DPP10: variants seen among roughly 807,000 people sequenced by gnomAD.
The protein encoded by DPP10 is dipeptidyl peptidase like 10.
DPP10 carries 33 observed loss-of-function variants against 120.9 expected under a neutral mutation model. The ratio of observed to expected loss-of-function variants is 0.27; its 90% CI spans 0.21 to 0.37. The LOEUF (loss-of-function observed/expected upper bound fraction) is 0.37, where lower values mean the gene tolerates loss of function less well. Ranked by LOEUF, DPP10 falls within the 10% of genes least tolerant of loss-of-function variation. The pLI is 1.00. For missense variants in DPP10, 816 were observed against 942.8 expected, an observed-to-expected ratio of 0.87 and a Z score of 1.76; for synonymous variants, 337 against 326.1, an observed-to-expected ratio of 1.03 and a Z score of -0.36.
At chr2:114,776,320 G>T (rs1681734103) in intron 1 of DPP10, among the ~76,000 whole-genome samples, 1 of 152,056 alleles carries the variant, frequency 6.6e-6, no homozygotes, top group Non-Finnish European at 1.5e-5. Context: ...TGATGCCATG[G>T]CATTCCATGC....
At chr2:115,627,511 T>G (rs2149304299) in intron 5 of DPP10, among the ~76,000 whole-genome samples, 1 of 152,294 alleles carries the variant, frequency 6.6e-6, no homozygotes, top group South Asian at 2.1e-4. Flanking sequence ...AGTTATTTTT[T>G]TATTTTAAAA....
intron 3 of DPP10, among the ~76,000 whole-genome samples, chr2:115,495,401 T>G (rs2076344684): frequency 6.8e-6 from 1 of 146,686 alleles, no homozygotes; most frequent in Admixed American, 6.9e-5. Context: ...TCGTTCTGAT[T>G]TACAACGTTA....
chr2:114,560,373 G>A (rs1688672111), intron 1 of DPP10, among the ~76,000 whole-genome samples: 1 of 152,140 alleles, frequency 6.6e-6, no homozygotes, highest in Non-Finnish European at 1.5e-5. Flanking sequence ...AAGAGAAGAT[G>A]GTTCCTGAGG....
At chr2:115,719,682 C>T (rs2092595885) in intron 7 of DPP10, among the ~76,000 whole-genome samples, 1 of 152,178 alleles carries the variant, frequency 6.6e-6, no homozygotes, top group South Asian at 2.1e-4. Flanking sequence ...TTGTGGCTTT[C>T]AGTAAATTTT....
At chr2:115,775,984 G>T (rs1682049813) in intron 13 of DPP10, among the ~76,000 whole-genome samples, 1 of 152,122 alleles carries the variant, frequency 6.6e-6, no homozygotes, top group Non-Finnish European at 1.5e-5. Context: ...TAGGAATAAA[G>T]GGAACTTCTT....
chr2:114,970,603 T>C (rs1699331207), intron 1 of DPP10, among the ~76,000 whole-genome samples: 1 of 152,220 alleles, frequency 6.6e-6, no homozygotes, highest in African/African-American at 2.4e-5. Context: ...CCTACAACCA[T>C]GCCAGCTAAG....
chr2:114,558,519 T>C (rs1414759965), intron 1 of DPP10, among the ~76,000 whole-genome samples: 3 of 152,248 alleles, frequency 2.0e-5, no homozygotes, highest in Admixed American at 6.5e-5. Flanking sequence ...TTTAAAGTAA[T>C]CCATCCATGC....
intron 19 of DPP10, among the ~76,000 whole-genome samples, chr2:115,805,388 C>T (rs763240301): frequency 1.1e-4 from 17 of 152,224 alleles, no homozygotes; most frequent in African/African-American, 2.9e-4. Context: ...CCGGGTGAGG[C>T]GATGCCTCGC....
intron 1 of DPP10, among the ~76,000 whole-genome samples, chr2:114,457,334 A>T (rs565123615): frequency 7.9e-5 from 12 of 152,336 alleles, no homozygotes; most frequent in African/African-American, 2.4e-4. Flanking sequence ...GGCCTCTACC[A>T]GTCAGTAGCC....
intron 3 of DPP10, among the ~76,000 whole-genome samples, chr2:115,376,068 G>T (rs2065770564): frequency 6.6e-6 from 1 of 152,068 alleles, no homozygotes. Context: ...AGCTGATGCA[G>T]TAAATTTAGC....
chr2:115,765,108 T>C (rs1680558400), intron 12 of DPP10, among the ~76,000 whole-genome samples: 1 of 152,060 alleles, frequency 6.6e-6, no homozygotes, highest in Non-Finnish European at 1.5e-5. Flanking sequence ...GAGCTGAATG[T>C]TTATCACCAG....
chr2:115,643,869 G>A (rs1468714577), intron 5 of DPP10, among the ~76,000 whole-genome samples: 1 of 152,100 alleles, frequency 6.6e-6, no homozygotes, highest in East Asian at 1.9e-4. Flanking sequence ...TCAAACCATT[G>A]TCTAAACAGT....
chr2:114,915,641 A>T (rs1047745111), intron 1 of DPP10, among the ~76,000 whole-genome samples: 1 of 152,206 alleles, frequency 6.6e-6, no homozygotes, highest in South Asian at 2.1e-4. Flanking sequence ...ATACAAAGAC[A>T]CTATTGGATC....
intron 1 of DPP10, among the ~76,000 whole-genome samples, chr2:115,214,030 C>T (rs917107601): frequency 6.6e-6 from 1 of 151,948 alleles, no homozygotes; most frequent in Non-Finnish European, 1.5e-5. Flanking sequence ...AATATTTAGA[C>T]TTTGGTTTTG....
intron 11 of DPP10, among the ~76,000 whole-genome samples, chr2:115,757,002 C>A (rs1307901412): frequency 6.6e-6 from 1 of 152,036 alleles, no homozygotes; most frequent in East Asian, 1.9e-4. Flanking sequence ...ACCCTCATGG[C>A]CTAAATACTC....
At chr2:115,806,688 A>G (rs1686012596) in intron 19 of DPP10, among the ~76,000 whole-genome samples, 1 of 152,132 alleles carries the variant, frequency 6.6e-6, no homozygotes, top group Non-Finnish European at 1.5e-5. Context: ...TGTAGCCTAT[A>G]TGTATTGTCA....
intron 5 of DPP10, among the ~76,000 whole-genome samples, chr2:115,586,888 TGACA>T (rs1183015038): frequency 2.0e-5 from 3 of 152,090 alleles, no homozygotes; most frequent in African/African-American, 7.2e-5. Context: ...AATTTTTGAC[TGACA>T]AATTAAAACT....
rs186985734 is a variant in DPP10 at position 114,521,679 on chromosome 2, C to A, written c.60+78841C>A. Among the ~76,000 whole-genome samples, 372 of 152,112 alleles carry A rather than the reference C, an allele frequency of 2.4e-3. 4 individuals are homozygous for A. The highest frequency in any genetic ancestry group is 8.5e-3 in the African/African-American group (353 of 41,508). On this transcript the variant is annotated intron_variant, in intron 1 of 25. Transcript: ENST00000410059. ...AGGAAAATTTTATGTGAAACATCTC[C>A]TGATGAATAGAAAGTCTGTGGCCAT...
chr2:115,551,674 A>G lies in DPP10; in HGVS notation c.441+25702A>G, dbSNP rs2149005742. ...GGGCAGTTTCCAATATTTTGGTACA[A>G]TCGACATTTAAGCATTTGCTCATAT... is the stretch of plus-strand genomic sequence containing the variant. On this transcript the variant is annotated intron_variant, in intron 5 of 25. Transcript: ENST00000410059. 1.3e-5 allele frequency among the ~76,000 whole-genome samples: 2 copies of G among 152,232 alleles called. 1 individual carries two copies. Among genetic ancestry groups the G allele is most frequent in the South Asian group, 4.1e-4 (2 of 4,830 alleles).
Sources: gnomAD v4.1 joint callset for allele counts (sites outside exome capture counted in the v4.1 genomes callset) on GRCh38, gnomAD v4.1.1 for gene constraint, MANE v1.5 for transcripts, NCBI Gene and HGNC (gene_info 2026-07-23, HGNC 2026-07-21) for gene names.